The following CPNE8 variants were observed in gnomAD, a reference collection of about 807,000 sequenced individuals.
CPNE8 encodes the protein copine 8.
CPNE8 carries 45 observed loss-of-function variants against 81.5 expected under a neutral mutation model. That is an observed-to-expected ratio of 0.55 (90% CI 0.44 to 0.71). CPNE8 has a LOEUF of 0.71. Among genes scored for constraint, CPNE8 ranks in the 30% least tolerant of loss-of-function variants. The pLI, the probability that CPNE8 is intolerant of heterozygous loss-of-function variation, is 0.00. For missense variants in CPNE8, 594 were observed against 672.1 expected, an observed-to-expected ratio of 0.88 and a Z score of 1.28; for synonymous variants, 252 against 226.3, an observed-to-expected ratio of 1.11 and a Z score of -1.02.
intron 15 of CPNE8, among the ~76,000 whole-genome samples, chr12:38,690,516 T>G (rs1173897777): frequency 6.6e-6 from 1 of 152,174 alleles, no homozygotes; most frequent in Non-Finnish European, 1.5e-5. Flanking sequence ...CTTCATAGAT[T>G]TAAAGGGGTA....
chr12:38,844,819 C>T (rs181734939), intron 4 of CPNE8, among the ~76,000 whole-genome samples: 1 of 152,048 alleles, frequency 6.6e-6, no homozygotes, highest in Non-Finnish European at 1.5e-5. Flanking sequence ...TTCAAAGCTT[C>T]TTTTTTAACT....
At chr12:38,814,114 C>T (rs777579648) in intron 6 of CPNE8, among the ~76,000 whole-genome samples, 6 of 151,888 alleles carry the variant, frequency 4.0e-5, no homozygotes, top group Non-Finnish European at 5.9e-5. Context: ...TGTGGGTCTG[C>T]GGGCTGTCAG....
intron 13 of CPNE8, among the ~76,000 whole-genome samples, chr12:38,707,692 CTT>C (rs1940145160): frequency 6.6e-6 from 1 of 152,170 alleles, no homozygotes; most frequent in Non-Finnish European, 1.5e-5. Flanking sequence ...TTGATTAATT[CTT>C]TGTCTCATTC....
At chr12:38,820,037 A>G (rs1377062379) in intron 6 of CPNE8, among the ~76,000 whole-genome samples, 2 of 152,268 alleles carry the variant, frequency 1.3e-5, no homozygotes, top group East Asian at 3.9e-4. Context: ...TGTAGAGGAA[A>G]CTGTAGTTTC....
chr12:38,808,288 A>G (rs1049982913), intron 6 of CPNE8, among the ~76,000 whole-genome samples: 8 of 152,158 alleles, frequency 5.3e-5, no homozygotes, highest in Non-Finnish European at 1.2e-4. Flanking sequence ...ATGCTGCTAT[A>G]AAGACACATG....
At chr12:38,900,982 G>A (rs1944453853) in intron 1 of CPNE8, among the ~76,000 whole-genome samples, 1 of 152,184 alleles carries the variant, frequency 6.6e-6, no homozygotes, top group South Asian at 2.1e-4. Context: ...AGCACTTTGG[G>A]AAGCCAAAGT....
chr12:38,772,590 C>T (rs1028831032), intron 7 of CPNE8, among the ~76,000 whole-genome samples: 4 of 152,042 alleles, frequency 2.6e-5, no homozygotes, highest in African/African-American at 9.7e-5. Flanking sequence ...AGAATGCCTA[C>T]TATCAAAAAA....
chr12:38,662,565 C>CA (rs1437364394), intron 19 of CPNE8, among the ~76,000 whole-genome samples: 1 of 152,030 alleles, frequency 6.6e-6, no homozygotes, highest in Non-Finnish European at 1.5e-5. Context: ...CCATACTACC[C>CA]AAAGCAATCT....
intron 1 of CPNE8, among the ~76,000 whole-genome samples, chr12:38,879,886 C>G (rs180893913): frequency 0.015 from 2,218 of 151,372 alleles, 19 homozygotes; most frequent in South Asian, 0.025. Flanking sequence ...GGGTTAAGTC[C>G]TCAACTTGGA....
Position 38,801,847 on chromosome 12 carries a change from G to C in CPNE8, c.408-25546C>G, listed in dbSNP as rs1042609861. 3.3e-3 allele frequency among the ~76,000 whole-genome samples: 327 copies of C among 98,868 alleles called. 4 individuals are homozygous for C. The highest frequency in any genetic ancestry group is 0.011 in the African/African-American group (312 of 28,220). The allele number at this position is 98,868 out of a possible 152,430, so 64.9% of individuals were successfully genotyped here. A position where few individuals can be genotyped will look rare whatever the true frequency, so the allele number is the denominator to read the frequency against. ...GCCAATGGAAAACAAAAAAAGGCAG[G>C]GGTTGCAATCCTAGTCTCTGATAAA... On this transcript the variant is annotated intron_variant, in intron 6 of 19. Transcript: ENST00000331366.
At chr12:38,741,362 C>T (rs1219220737) in intron 10 of CPNE8, among the ~76,000 whole-genome samples, 1 of 152,104 alleles carries the variant, frequency 6.6e-6, no homozygotes, top group Non-Finnish European at 1.5e-5. Context: ...GAACAGAGCC[C>T]TCAGAATTAA....
At chr12:38,711,846 TCCTAAAAGTTTGTTTTCTAAACAAA>T (rs1329445520) in intron 13 of CPNE8, among the ~76,000 whole-genome samples, 1 of 152,180 alleles carries the variant, frequency 6.6e-6, no homozygotes, top group Non-Finnish European at 1.5e-5. Context: ...TTCTTAATAT[TCCTAAAAGTTTGTTTTCTAAACAAA>T]CTTTTCAGTT....
intron 6 of CPNE8, among the ~76,000 whole-genome samples, chr12:38,796,049 T>C (rs1359427290): frequency 6.6e-6 from 1 of 152,154 alleles, no homozygotes; most frequent in African/African-American, 2.4e-5. Flanking sequence ...TCACTTGAGT[T>C]CAGGAGTTAG....
chr12:38,799,114 C>T (rs79023020), intron 6 of CPNE8, among the ~76,000 whole-genome samples: 1 of 152,046 alleles, frequency 6.6e-6, no homozygotes, highest in Admixed American at 6.6e-5. Context: ...ACTTTAACAC[C>T]CCACTGTCAA....
At chr12:38,765,963 A>C (rs1941678540) in intron 8 of CPNE8, among the ~76,000 whole-genome samples, 1 of 151,974 alleles carries the variant, frequency 6.6e-6, no homozygotes, top group Non-Finnish European at 1.5e-5. Flanking sequence ...GGTTCAAGCA[A>C]TTCTCCTGCC....
At chr12:38,709,472 T>G (rs1940192854) in intron 13 of CPNE8, among the ~76,000 whole-genome samples, 1 of 152,200 alleles carries the variant, frequency 6.6e-6, no homozygotes, top group Non-Finnish European at 1.5e-5. Context: ...ATATAAATAC[T>G]TTCACTCATG....
chr12:38,879,299 A>G (rs1007932295), intron 1 of CPNE8, among the ~76,000 whole-genome samples: 3 of 151,590 alleles, frequency 2.0e-5, no homozygotes, highest in Non-Finnish European at 4.4e-5. Context: ...CCCTGGCTTT[A>G]CAGAGAGTCT....
At chr12:38,740,374 T>C (rs924133462) in intron 10 of CPNE8, among the ~76,000 whole-genome samples, 14 of 152,324 alleles carry the variant, frequency 9.2e-5, no homozygotes, top group Admixed American at 7.8e-4. Context: ...CTTTTCCTAA[T>C]TGAATACTGT....
chr12:38,791,378 T>C (rs1942319399), intron 6 of CPNE8, among the ~76,000 whole-genome samples: 1 of 151,628 alleles, frequency 6.6e-6, no homozygotes, highest in African/African-American at 2.4e-5. Context: ...ATAGAATAGT[T>C]ATTAAAATAT....
Sources: gnomAD v4.1 joint callset for allele counts (sites outside exome capture counted in the v4.1 genomes callset) on GRCh38, gnomAD v4.1.1 for gene constraint, MANE v1.5 for transcripts, NCBI Gene and HGNC (gene_info 2026-07-23, HGNC 2026-07-21) for gene names.